Variants in ZBTB7C observed in about 807,000 individuals in gnomAD.
The protein encoded by ZBTB7C is zinc finger and BTB domain containing 7C.
ZBTB7C carries 8 observed loss-of-function variants against 25.7 expected under a neutral mutation model. That is an observed-to-expected ratio of 0.31 (90% CI 0.18 to 0.56). ZBTB7C has a LOEUF of 0.56. ZBTB7C is among the 20% of genes least tolerant of loss of function. The pLI is 0.91. For missense variants in ZBTB7C, 824 were observed against 855.2 expected, an observed-to-expected ratio of 0.96 and a Z score of 0.46; for synonymous variants, 394 against 369.0, an observed-to-expected ratio of 1.07 and a Z score of -0.78.
intron 2 of ZBTB7C, among the ~76,000 whole-genome samples, chr18:48,326,632 G>T (rs1368988508): frequency 6.6e-6 from 1 of 152,158 alleles, no homozygotes; most frequent in Non-Finnish European, 1.5e-5. Context: ...GAAGTGCTCT[G>T]TACTAATATG....
At chr18:48,067,731 G>T (rs1265096539) in intron 3 of ZBTB7C, among the ~76,000 whole-genome samples, 1 of 152,178 alleles carries the variant, frequency 6.6e-6, no homozygotes, top group Non-Finnish European at 1.5e-5. Flanking sequence ...GTTGGGCATG[G>T]TGGCTCATGC....
intron 1 of ZBTB7C, among the ~76,000 whole-genome samples, chr18:48,399,271 C>T (rs1032255656): frequency 1.3e-5 from 2 of 152,208 alleles, no homozygotes; most frequent in East Asian, 1.9e-4. Flanking sequence ...AGGAAACTAA[C>T]AGCAGTGAGA....
At chr18:48,079,703 C>T (rs1424082534) in intron 3 of ZBTB7C, among the ~76,000 whole-genome samples, 2 of 152,260 alleles carry the variant, frequency 1.3e-5, no homozygotes, top group African/African-American at 4.8e-5. Flanking sequence ...ACTGCCTTCA[C>T]AAAAGAGAAG....
In ZBTB7C at chr18:48,028,064, G is replaced by A. The variant is rs749888957; in HGVS notation, c.*1196C>T. 6.6e-6 allele frequency: 1 copy of A among 152,240 alleles called. No homozygotes were observed. The highest frequency in any genetic ancestry group is 1.5e-5 in the Non-Finnish European group (1 of 68,046). 9.4% of individuals were successfully genotyped at this position (152,240 alleles called of 1,614,324 possible). Reference sequence around the variant, plus strand: ...GTTGAGGGGGTTCTCACACAGCAAAGGGGACCATCACTAGCAATGCCAAGG... The same window carrying A: ...GTTGAGGGGGTTCTCACACAGCAAAAGGGACCATCACTAGCAATGCCAAGG... On this transcript the variant is annotated 3_prime_UTR_variant, in exon 5 of 5. Transcript: ENST00000590800.
chr18:48,237,844 T>G (rs1406836578), intron 2 of ZBTB7C, among the ~76,000 whole-genome samples: 1 of 152,168 alleles, frequency 6.6e-6, no homozygotes, highest in Non-Finnish European at 1.5e-5. Flanking sequence ...AAATATCCAA[T>G]CAGTAATGGA....
At chr18:48,203,799 G>C (rs2042513353) in intron 2 of ZBTB7C, among the ~76,000 whole-genome samples, 1 of 152,158 alleles carries the variant, frequency 6.6e-6, no homozygotes, top group Non-Finnish European at 1.5e-5. Flanking sequence ...ACCCAGCCCA[G>C]AGCCTGGCAC....
At chr18:48,254,405 C>A (rs1460801238) in intron 2 of ZBTB7C, among the ~76,000 whole-genome samples, 2 of 152,176 alleles carry the variant, frequency 1.3e-5, no homozygotes, top group Admixed American at 1.3e-4. Flanking sequence ...CTTCTCCTTT[C>A]CCCGCTGCTA....
At chr18:48,367,175 T>TATATATA (rs2047242433) in intron 1 of ZBTB7C, among the ~76,000 whole-genome samples, 1 of 62,250 alleles carries the variant, frequency 1.6e-5, no homozygotes, top group African/African-American at 7.5e-5. Context: ...TCCCCAAGTT[T>TATATATA]TATATATATA....
intron 2 of ZBTB7C, among the ~76,000 whole-genome samples, chr18:48,192,482 G>A (rs747426048): frequency 1.8e-4 from 28 of 152,212 alleles, no homozygotes; most frequent in Non-Finnish European, 3.4e-4. Flanking sequence ...TTTATTGTTT[G>A]AGATGGAGTC....
chr18:48,261,753 C>G (rs2044178275), intron 2 of ZBTB7C, among the ~76,000 whole-genome samples: 1 of 152,246 alleles, frequency 6.6e-6, no homozygotes, highest in Admixed American at 6.5e-5. Flanking sequence ...GGCATCAGCT[C>G]AGGCTCTGTG....
chr18:48,160,408 C>A (rs149993209), intron 3 of ZBTB7C, among the ~76,000 whole-genome samples: 1 of 152,168 alleles, frequency 6.6e-6, no homozygotes, highest in Non-Finnish European at 1.5e-5. Context: ...ACAGCAGGCA[C>A]GCTGGGATGA....
intron 3 of ZBTB7C, among the ~76,000 whole-genome samples, chr18:48,110,250 GCA>G (rs1207172860): frequency 6.6e-6 from 1 of 152,082 alleles, no homozygotes; most frequent in African/African-American, 2.4e-5. Context: ...TCCGAGGGTG[GCA>G]CACCCTCAGT....
Position 48,226,087 on chromosome 18 carries a change from C to T in ZBTB7C, c.-78-40092G>A, listed in dbSNP as rs182559371. ...ATGGGAGAGACATGAAAAAATAAGC[C>T]CCGTCATCTCAGACTGTTCCAGCTG... On this transcript the variant is annotated intron_variant, in intron 2 of 4. Coordinates refer to ENST00000590800, the MANE Select transcript of ZBTB7C (RefSeq NM_001318841.2). 2.1e-3 allele frequency among the ~76,000 whole-genome samples: 321 copies of T among 152,320 alleles called. 2 individuals are homozygous for T. The highest frequency in any genetic ancestry group is 7.3e-3 in the African/African-American group (304 of 41,546).
intron 3 of ZBTB7C, among the ~76,000 whole-genome samples, chr18:48,173,689 C>A (rs546149715): frequency 1.3e-5 from 2 of 152,342 alleles, no homozygotes; most frequent in African/African-American, 4.8e-5. Context: ...AGAGTGAGCA[C>A]CTCCTTAAAT....
intron 3 of ZBTB7C, among the ~76,000 whole-genome samples, chr18:48,161,361 G>A (rs1266245490): frequency 6.6e-6 from 1 of 152,110 alleles, no homozygotes; most frequent in African/African-American, 2.4e-5. Flanking sequence ...AGCTCAGAGA[G>A]GGGAGGAAGG....
intron 2 of ZBTB7C, among the ~76,000 whole-genome samples, chr18:48,294,043 G>A (rs2045315442): frequency 6.6e-6 from 1 of 152,234 alleles, no homozygotes; most frequent in Non-Finnish European, 1.5e-5. Context: ...TGGCCACCGT[G>A]GGAGTCATTA....
chr18:48,051,058 C>G (rs531808985), intron 3 of ZBTB7C, among the ~76,000 whole-genome samples: 1 of 152,202 alleles, frequency 6.6e-6, no homozygotes, highest in Non-Finnish European at 1.5e-5. Context: ...GGCTCTGCCC[C>G]CTGTATGAGG....
At chr18:48,268,798 C>T (rs140998737) in intron 2 of ZBTB7C, among the ~76,000 whole-genome samples, 1,561 of 152,206 alleles carry the variant, frequency 0.01, 15 homozygotes, top group South Asian at 0.038. Context: ...CATCTATATA[C>T]ATATGCATAT....
At chr18:48,033,125 AC>A (rs1379820667) in intron 4 of ZBTB7C, among the ~76,000 whole-genome samples, 1 of 152,186 alleles carries the variant, frequency 6.6e-6, no homozygotes, top group African/African-American at 2.4e-5. Flanking sequence ...GCAGAGCTAA[AC>A]CTAGGACCAG....
Sources: gnomAD v4.1 joint callset for allele counts (sites outside exome capture counted in the v4.1 genomes callset) on GRCh38, gnomAD v4.1.1 for gene constraint, MANE v1.5 for transcripts, NCBI Gene and HGNC (gene_info 2026-07-23, HGNC 2026-07-21) for gene names.